EML4: variants seen among roughly 807,000 people sequenced by gnomAD.
The protein encoded by EML4 is EMAP like 4.
Under a neutral mutation model 129.0 loss-of-function variants are expected in EML4, and 72 were observed. The ratio of observed to expected loss-of-function variants is 0.56; its 90% CI spans 0.46 to 0.68. The LOEUF is 0.68. Ranked by LOEUF, EML4 falls within the 30% of genes least tolerant of loss-of-function variation. The probability of loss-of-function intolerance (pLI) is 0.00; values close to 1 mark genes in which losing one functional copy is unlikely to be tolerated. For missense variants in EML4, 1,363 were observed against 1,190.6 expected (o/e 1.14, Z -2.13); for synonymous variants, 532 against 405.0 (o/e 1.31, Z -3.77).
intron 1 of EML4, among the ~76,000 whole-genome samples, chr2:42,213,645 T>G (rs1673010996): frequency 6.6e-6 from 1 of 152,242 alleles, no homozygotes; most frequent in Admixed American, 6.5e-5. Context: ...CCTTTTTCTT[T>G]TTCGCAGCAG....
intron 17 of EML4, among the ~76,000 whole-genome samples, chr2:42,307,557 C>T (rs1332170098): frequency 1.3e-5 from 2 of 152,174 alleles, no homozygotes; most frequent in African/African-American, 2.4e-5. Context: ...AATGTATTGT[C>T]TAAAATGGAA....
At chr2:42,279,077 G>C (rs1248463359) in intron 6 of EML4, among the ~76,000 whole-genome samples, 2 of 152,142 alleles carry the variant, frequency 1.3e-5, no homozygotes, top group Non-Finnish European at 2.9e-5. Context: ...CTGTTTCTTA[G>C]CACTGTCTTG....
intron 1 of EML4, among the ~76,000 whole-genome samples, chr2:42,175,736 T>A (rs1032263552): frequency 2.6e-5 from 4 of 152,150 alleles, no homozygotes; most frequent in African/African-American, 9.7e-5. Context: ...TGTCCTCAAG[T>A]GATCCATCCA....
rs574838353 is a variant in EML4 at position 42,296,346 on chromosome 2, A to C, written c.1489+830A>C. On this transcript the variant is annotated intron_variant, in intron 13 of 22. Coordinates refer to ENST00000318522, the MANE Select transcript of EML4 (RefSeq NM_019063.5). Reference sequence around the variant, plus strand: ...AGTCCTCAATAATTCACCAAAAAAAAAGTAAGAAAGGAGGTAATGGGGAAA... The same window carrying C: ...AGTCCTCAATAATTCACCAAAAAAACAGTAAGAAAGGAGGTAATGGGGAAA... Among the ~76,000 whole-genome samples, 4 of 152,276 alleles carry C rather than the reference A, an allele frequency of 2.6e-5. No individual in the cohort carries two copies. In the South Asian group the frequency reaches 8.3e-4, roughly 32 times the overall value.
At position 42,330,356 on chromosome 2, in the gene EML4, G is replaced by C; in HGVS notation, c.*149G>C. The stretch of plus-strand genomic sequence containing the variant: ...GTTTTCTTCAATAGTCTTATTTTCA[G>C]TCTCTCAAATACAGCCAACTTAAAG... On this transcript the variant is annotated 3_prime_UTR_variant, in exon 23 of 23. Transcript: ENST00000318522. 1 of 760,564 alleles carries C rather than the reference G, an allele frequency of 1.3e-6. No individual in the cohort carries two copies. The highest frequency in any genetic ancestry group is 2.3e-6 in the Non-Finnish European group (1 of 439,552). The allele number at this position is 760,564 out of a possible 1,614,324, so 47.1% of individuals were successfully genotyped here. A position where few individuals can be genotyped will look rare whatever the true frequency, so the allele number is the denominator to read the frequency against.
chr2:42,325,656 CA>C (rs1669773282), intron 20 of EML4, 102 bp downstream of exon 20: 3 of 195,622 alleles, frequency 1.5e-5, no homozygotes, highest in African/African-American at 7.8e-5. Context: ...ATGTGTCTGT[CA>C]GGGGCGCTAA....
chr2:42,216,458 G>A (rs1033070638), intron 1 of EML4, among the ~76,000 whole-genome samples: 1 of 151,350 alleles, frequency 6.6e-6, no homozygotes, highest in Non-Finnish European at 1.5e-5. Context: ...GGCCAGGCTG[G>A]TCTTGAACTC....
chr2:42,273,706 A>G (rs1404956220), intron 6 of EML4, among the ~76,000 whole-genome samples: 3 of 152,206 alleles, frequency 2.0e-5, no homozygotes, highest in Non-Finnish European at 4.4e-5. Context: ...GTTTTATGCT[A>G]GCTAATAAAA....
intron 1 of EML4, among the ~76,000 whole-genome samples, chr2:42,187,787 T>C (rs1305387456): frequency 6.6e-6 from 1 of 152,218 alleles, no homozygotes; most frequent in African/African-American, 2.4e-5. Flanking sequence ...GGCTTGCCCT[T>C]TCATAAACTA....
intron 1 of EML4, among the ~76,000 whole-genome samples, chr2:42,191,683 T>C (rs1342084496): frequency 2.6e-5 from 4 of 152,248 alleles, no homozygotes; most frequent in Non-Finnish European, 5.9e-5. Flanking sequence ...TTATGCTCTT[T>C]TCATTTACCT....
intron 11 of EML4, among the ~76,000 whole-genome samples, chr2:42,291,963 T>C (rs1323311726): frequency 2.6e-5 from 4 of 152,070 alleles, no homozygotes; most frequent in Non-Finnish European, 5.9e-5. Flanking sequence ...TACCAAAATA[T>C]CTTACGTGAA....
intron 22 of EML4, among the ~76,000 whole-genome samples, chr2:42,329,359 G>T (rs1002113188): frequency 2.2e-4 from 34 of 152,090 alleles, no homozygotes; most frequent in African/African-American, 6.3e-4. Flanking sequence ...TAAAACTAAT[G>T]GAACTGTTTC....
intron 1 of EML4, among the ~76,000 whole-genome samples, chr2:42,177,354 C>G (rs962931440): frequency 2.6e-5 from 4 of 151,966 alleles, no homozygotes; most frequent in Non-Finnish European, 5.9e-5. Context: ...TTAAATATGG[C>G]TCACGCCTGT....
chr2:42,231,240 C>T (rs899823044), intron 1 of EML4, among the ~76,000 whole-genome samples: 3 of 152,190 alleles, frequency 2.0e-5, no homozygotes, highest in African/African-American at 4.8e-5. Context: ...CATTATGTCT[C>T]CTTTCCTGAA....
intron 6 of EML4, among the ~76,000 whole-genome samples, chr2:42,269,201 T>C (rs1406808091): frequency 1.3e-5 from 2 of 152,240 alleles, no homozygotes; most frequent in Non-Finnish European, 1.5e-5. Context: ...TTTTGAATTA[T>C]ATACTGTCTA....
At chr2:42,326,412 A>G (rs1253570350) in intron 21 of EML4, among the ~76,000 whole-genome samples, 160 bp downstream of exon 21, 1 of 152,236 alleles carries the variant, frequency 6.6e-6, no homozygotes, top group Non-Finnish European at 1.5e-5. Flanking sequence ...GATTGAACCA[A>G]CATGGGATTT....
chr2:42,197,096 G>A (rs1671935674), intron 1 of EML4, among the ~76,000 whole-genome samples: 1 of 152,144 alleles, frequency 6.6e-6, no homozygotes, highest in South Asian at 2.1e-4. Context: ...TTGAGACAGG[G>A]TCGCACTCTG....
At chr2:42,206,216 A>G (rs766100156) in intron 1 of EML4, among the ~76,000 whole-genome samples, 2 of 152,036 alleles carry the variant, frequency 1.3e-5, no homozygotes, top group Non-Finnish European at 1.5e-5. Flanking sequence ...TTTAATTTTA[A>G]TTAATATATT....
intron 11 of EML4, among the ~76,000 whole-genome samples, chr2:42,291,398 CTTTTTTT>C (rs5830720): frequency 3.2e-5 from 4 of 123,146 alleles, no homozygotes; most frequent in Admixed American, 2.5e-4. Context: ...ATCAAGACAC[CTTTTTTT>C]TTTTTTTTTT....
Sources: gnomAD v4.1 joint callset for allele counts (sites outside exome capture counted in the v4.1 genomes callset) on GRCh38, gnomAD v4.1.1 for gene constraint, MANE v1.5 for transcripts, NCBI Gene and HGNC (gene_info 2026-07-23, HGNC 2026-07-21) for gene names.